Variants in LRMDA observed in about 807,000 individuals in gnomAD.
LRMDA encodes the protein leucine-rich melanocyte differentiation-associated protein.
LRMDA carries 18 observed loss-of-function variants against 29.8 expected under a neutral mutation model. The ratio of observed to expected loss-of-function variants is 0.60; its 90% confidence interval spans 0.42 to 0.90. The LOEUF (loss-of-function observed/expected upper bound fraction) is 0.90. Ranked by LOEUF, LRMDA falls within the 40% of genes least tolerant of loss-of-function variation. LRMDA has a pLI of 0.00. For missense variants in LRMDA, 273 were observed against 273.9 expected (o/e 1.00, Z 0.02); for synonymous variants, 125 against 109.4 (o/e 1.14, Z -0.89).
chr10:75,542,078 A>G (rs994688659), intron 2 of LRMDA, among the ~76,000 whole-genome samples: 1 of 152,130 alleles, frequency 6.6e-6, no homozygotes, highest in African/African-American at 2.4e-5. Context: ...TCAAAAAGAA[A>G]CTAGTGAATG....
At chr10:76,118,151 C>T (rs2132121335) in intron 5 of LRMDA, among the ~76,000 whole-genome samples, 1 of 152,212 alleles carries the variant, frequency 6.6e-6, no homozygotes, top group Non-Finnish European at 1.5e-5. Flanking sequence ...ATGAGAGAGG[C>T]CACAAGCAAA....
intron 2 of LRMDA, among the ~76,000 whole-genome samples, chr10:75,603,439 G>A (rs1840914174): frequency 6.6e-6 from 1 of 152,012 alleles, no homozygotes; most frequent in Admixed American, 6.6e-5. Flanking sequence ...TTAAAATCTT[G>A]AAAAATATTA....
At chr10:76,365,292 G>C (rs1181263724) in intron 6 of LRMDA, among the ~76,000 whole-genome samples, 1 of 151,740 alleles carries the variant, frequency 6.6e-6, no homozygotes, top group African/African-American at 2.4e-5. Context: ...TCAAATGGTA[G>C]TTCTACTTTT....
At chr10:76,364,111 A>G (rs1841361529) in intron 6 of LRMDA, among the ~76,000 whole-genome samples, 1 of 152,300 alleles carries the variant, frequency 6.6e-6, no homozygotes, top group African/African-American at 2.4e-5. Context: ...CCCTCAGGGA[A>G]TATTTAGTGA....
intron 5 of LRMDA, among the ~76,000 whole-genome samples, chr10:76,069,043 C>T (rs971427168): frequency 6.6e-6 from 1 of 152,256 alleles, no homozygotes; most frequent in South Asian, 2.1e-4. Flanking sequence ...TCCTCACCAA[C>T]ACCTCTAGAA....
intron 2 of LRMDA, among the ~76,000 whole-genome samples, chr10:75,951,587 A>G (rs1399346939): frequency 2.0e-5 from 3 of 152,236 alleles, no homozygotes; most frequent in African/African-American, 7.2e-5. Flanking sequence ...GAGCTGGTGC[A>G]TAGTCCTGAA....
chr10:76,551,011 C>G (rs1388799509), intron 6 of LRMDA, among the ~76,000 whole-genome samples: 1 of 152,196 alleles, frequency 6.6e-6, no homozygotes, highest in Non-Finnish European at 1.5e-5. Context: ...GATCATAAAA[C>G]ATGGGTGTTT....
intron 3 of LRMDA, 69 bp from the exon 4 acceptor site, chr10:76,047,095 G>A (rs1848451388): frequency 1.3e-6 from 2 of 1,566,832 alleles, no homozygotes; most frequent in Non-Finnish European, 1.7e-6. Flanking sequence ...ATCAGCGCCT[G>A]TCAGTCATGG....
intron 2 of LRMDA, among the ~76,000 whole-genome samples, chr10:75,903,149 C>T (rs1361254590): frequency 2.0e-5 from 3 of 152,258 alleles, no homozygotes; most frequent in Non-Finnish European, 4.4e-5. Context: ...TAAAATCCCT[C>T]TCTCTATTTA....
chr10:76,264,623 T>C (rs1839984554), intron 5 of LRMDA, among the ~76,000 whole-genome samples: 1 of 152,188 alleles, frequency 6.6e-6, no homozygotes, highest in African/African-American at 2.4e-5. Context: ...CTTTATCCCA[T>C]AGGAGAGGTG....
At chr10:75,571,036 G>C (rs1271495831) in intron 2 of LRMDA, among the ~76,000 whole-genome samples, 1 of 152,222 alleles carries the variant, frequency 6.6e-6, no homozygotes, top group African/African-American at 2.4e-5. Context: ...CCTGAAGAGA[G>C]AGAGTTTGGA....
At chr10:75,936,769 T>C (rs1238748328) in intron 2 of LRMDA, among the ~76,000 whole-genome samples, 2 of 152,118 alleles carry the variant, frequency 1.3e-5, no homozygotes, top group East Asian at 3.9e-4. Context: ...ACTAATCCCA[T>C]TCAGGGGGGC....
chr10:76,216,510 A>T (rs906652852), intron 5 of LRMDA, among the ~76,000 whole-genome samples: 3 of 152,262 alleles, frequency 2.0e-5, no homozygotes, highest in African/African-American at 7.2e-5. Flanking sequence ...AGTAGGCACA[A>T]GATGGAGACA....
chr10:75,558,286 G>A (rs1371241065), intron 2 of LRMDA, among the ~76,000 whole-genome samples: 1 of 151,970 alleles, frequency 6.6e-6, no homozygotes, highest in Non-Finnish European at 1.5e-5. Flanking sequence ...GTGGCCAAGA[G>A]GGTGCTGGCA....
intron 5 of LRMDA, among the ~76,000 whole-genome samples, chr10:76,237,540 T>C (rs1046821858): frequency 2.0e-5 from 3 of 152,188 alleles, no homozygotes; most frequent in East Asian, 1.9e-4. Flanking sequence ...CTTTCTCCTG[T>C]GACTTTGGTG....
chr10:76,551,392 G>A (rs1843492704), intron 6 of LRMDA, among the ~76,000 whole-genome samples: 1 of 152,168 alleles, frequency 6.6e-6, no homozygotes, highest in Non-Finnish European at 1.5e-5. Flanking sequence ...TGGATTCTGT[G>A]TAAATTTTAT....
At chr10:76,147,447 A>G (rs1850348901) in intron 5 of LRMDA, among the ~76,000 whole-genome samples, 2 of 151,766 alleles carry the variant, frequency 1.3e-5, no homozygotes, top group South Asian at 4.2e-4. Flanking sequence ...ATCTTCCATC[A>G]CTGATACCCT....
In LRMDA at chr10:75,745,915, T is replaced by C. The variant is rs1842884799; in HGVS notation, c.132-290093T>C. On this transcript the variant is annotated intron_variant, in intron 2 of 6. Transcript: ENST00000611255. ...TCATATGATGTGTTATTTCATGATT[T>C]GTTTGAGTTACGGATTTTGGGAAAA... Among the ~76,000 whole-genome samples the C allele has an allele frequency of 3.3e-5, 5 of 152,244 alleles. No homozygotes were observed. The South Asian group carries it at 1.0e-3, about 31-fold the overall frequency.
intron 5 of LRMDA, among the ~76,000 whole-genome samples, chr10:76,090,191 C>T (rs879876521): frequency 1.3e-5 from 2 of 152,172 alleles, no homozygotes; most frequent in Non-Finnish European, 2.9e-5. Context: ...AGTGAGGACC[C>T]AGGCGCCATT....
Sources: gnomAD v4.1 joint callset for allele counts (sites outside exome capture counted in the v4.1 genomes callset) on GRCh38, gnomAD v4.1.1 for gene constraint, MANE v1.5 for transcripts, NCBI Gene and HGNC (gene_info 2026-07-23, HGNC 2026-07-21) for gene names.